SEPTIN2: variants seen among roughly 807,000 people sequenced by gnomAD.
SEPTIN2 encodes septin 2, also known as septin-2.
SEPTIN2 carries 34 observed loss-of-function variants against 46.5 expected under a neutral mutation model. The ratio of observed to expected loss-of-function variants is 0.73; its 90% CI spans 0.56 to 0.97. The LOEUF is 0.97. Ranked by LOEUF, SEPTIN2 falls within the 50% of genes least tolerant of loss-of-function variation. The pLI, the probability that SEPTIN2 is intolerant of heterozygous loss-of-function variation, is 0.00. For missense variants in SEPTIN2, 347 were observed against 448.4 expected (o/e 0.77, Z 2.04); for synonymous variants, 175 against 153.4 (o/e 1.14, Z -1.04).
At chr2:241,323,662 T>C in intron 1 of SEPTIN2, among the ~76,000 whole-genome samples, 1 of 152,194 alleles carries the variant, frequency 6.6e-6, no homozygotes, top group East Asian at 1.9e-4. Flanking sequence ...ATCAAAAGGC[T>C]CCTGATTCAG....
Position 241,343,717 on chromosome 2 carries a change from T to G in SEPTIN2, c.697-35T>G, listed in dbSNP as rs367972173. ...TGCCAGTGAACTCTGGGGTTCCCTG[T>G]GTGGAGCCTGTCTACTCTGTGTGTC... On this transcript the variant is annotated intron_variant, in intron 8 of 12. Transcript: ENST00000391971. 81 of 1,612,818 alleles carry G rather than the reference T, an allele frequency of 5.0e-5. No homozygotes were observed. In the African/African-American group the frequency reaches 1.0e-3, roughly 20 times the overall value.
chr2:241,325,702 C>T (rs574054049), intron 2 of SEPTIN2, among the ~76,000 whole-genome samples: 2 of 152,158 alleles, frequency 1.3e-5, no homozygotes, highest in East Asian at 1.9e-4. Flanking sequence ...ATGTATTAAG[C>T]ATGTATCTTC....
intron 3 of SEPTIN2, among the ~76,000 whole-genome samples, chr2:241,327,050 C>CAAAAAAAA (rs59492636): frequency 1.5e-5 from 1 of 66,014 alleles, no homozygotes; most frequent in African/African-American, 7.2e-5. Flanking sequence ...AACCTTGTCT[C>CAAAAAAAA]AAAAAAAAAA....
intron 3 of SEPTIN2, 25 bp from the exon 4 acceptor site, chr2:241,335,101 A>G: frequency 6.5e-7 from 1 of 1,544,564 alleles, no homozygotes; most frequent in Non-Finnish European, 8.9e-7. Context: ...TAAGGTCATG[A>G]CAAGGTTTTT....
intron 1 of SEPTIN2, among the ~76,000 whole-genome samples, chr2:241,322,551 G>A (rs2077286415): frequency 6.6e-6 from 1 of 150,956 alleles, no homozygotes; most frequent in Non-Finnish European, 1.5e-5. Flanking sequence ...AGGTTGCAGT[G>A]AGCTGAGATC....
At chr2:241,318,613 TG>T (rs2076712752) in intron 1 of SEPTIN2, among the ~76,000 whole-genome samples, 1 of 152,240 alleles carries the variant, frequency 6.6e-6, no homozygotes. Flanking sequence ...TATTTGTTGC[TG>T]GTACTTGACT....
chr2:241,321,347 T>C, intron 1 of SEPTIN2, among the ~76,000 whole-genome samples: 1 of 152,238 alleles, frequency 6.6e-6, no homozygotes, highest in East Asian at 1.9e-4. Flanking sequence ...TACAGGCTTA[T>C]GAATATTACA....
At chr2:241,346,674 C>G (rs898893667) in intron 10 of SEPTIN2, 3 of 152,770 alleles carry the variant, frequency 2.0e-5, no homozygotes, top group African/African-American at 7.2e-5. Context: ...TTGGGAGGAG[C>G]AGTTGAGCCT....
At chr2:241,326,199 G>C in intron 3 of SEPTIN2, 86 bp downstream of exon 3, 1 of 1,296,526 alleles carries the variant, frequency 7.7e-7, no homozygotes, top group Non-Finnish European at 1.0e-6. Context: ...GACCTATAAA[G>C]AAAGAGGAAA....
In SEPTIN2 at chr2:241,350,412, CTCT is replaced by C. The variant is rs1202318941; in HGVS notation, c.*29+214_*29+216del. ...TAGTAAAGATTTTTCATATTTTTGT[CTCT>C]TCTTTTTTTTTTAAATAATTTCAAC... On this transcript the variant is annotated intron_variant, in intron 12 of 12. Transcript: ENST00000391971. 2.1e-3 allele frequency among the ~76,000 whole-genome samples: 315 copies of C among 152,094 alleles called. 5 individuals carry two copies. The highest frequency in any genetic ancestry group is 0.02 in the Admixed American group (308 of 15,272).
intron 1 of SEPTIN2, chr2:241,316,936 G>C: frequency 6.0e-6 from 1 of 166,804 alleles, no homozygotes; most frequent in Non-Finnish European, 1.3e-5. Flanking sequence ...GTGTTTACCT[G>C]ATGTTCCAGA....
intron 1 of SEPTIN2, chr2:241,320,400 C>A: frequency 2.3e-6 from 1 of 440,338 alleles, no homozygotes; most frequent in Non-Finnish European, 4.7e-6. Flanking sequence ...AGATTTGGGG[C>A]CATTTTGCTA....
chr2:241,337,346 C>T lies in SEPTIN2; in HGVS notation c.342-36C>T, dbSNP rs771736153. ...GAAGTCAGGGACCCCCTGTTTTATA[C>T]CCTATGATTATTGTTAATGTTTCTG... On this transcript the variant is annotated intron_variant, in intron 5 of 12. Coordinates refer to ENST00000391971, the MANE Select transcript of SEPTIN2 (RefSeq NM_004404.5). 1.0e-4 allele frequency: 166 copies of T among 1,597,060 alleles called. 3 individuals are homozygous for T. In the South Asian group the frequency reaches 1.6e-3, roughly 16 times the overall value.
Position 241,345,409 on chromosome 2 carries a change from G to T in SEPTIN2, c.843-757G>T, listed in dbSNP as rs1984598. ...TATCCTGATCCCCATTATTGAGGGG[G>T]GTGTAGAGGCTGAAGACAGGGTTTG... On this transcript the variant is annotated intron_variant, in intron 9 of 12. Coordinates refer to ENST00000391971, the MANE Select transcript of SEPTIN2 (RefSeq NM_004404.5). Among the ~76,000 whole-genome samples the T allele has an allele frequency of 2.0e-5, 3 of 151,842 alleles. No homozygotes were observed. The South Asian group carries it at 6.2e-4, about 32-fold the overall frequency.
At chr2:241,337,988 A>G (rs908687689) in intron 7 of SEPTIN2, among the ~76,000 whole-genome samples, 198 bp downstream of exon 7, 10 of 152,160 alleles carry the variant, frequency 6.6e-5, no homozygotes, top group Non-Finnish European at 1.5e-4. Context: ...GAAGGTATCA[A>G]ATTTCTATTC....
intron 4 of SEPTIN2, 52 bp downstream of exon 4, chr2:241,335,264 A>G: frequency 6.3e-7 from 1 of 1,593,734 alleles, no homozygotes; most frequent in Non-Finnish European, 8.6e-7. Context: ...AAAGATGCTG[A>G]AGACTGCCTA....
intron 4 of SEPTIN2, 51 bp from the exon 5 acceptor site, chr2:241,335,924 T>G: frequency 6.2e-7 from 1 of 1,613,632 alleles, no homozygotes; most frequent in Non-Finnish European, 8.5e-7. Flanking sequence ...AACGTGAGCT[T>G]TCCTCTTCAC....
rs183676517 is a variant in SEPTIN2 at position 241,353,592 on chromosome 2, A to G, written c.*1655A>G. The G allele has an allele frequency of 8.5e-5, 13 of 152,412 alleles. No individual in the cohort carries two copies. The highest frequency in any genetic ancestry group is 3.1e-4 in the African/African-American group (13 of 41,586). 9.4% of individuals were successfully genotyped at this position (152,412 alleles called of 1,614,324 possible). ...TGCCCTTCACTGTTGCTTAATTGTG[A>G]ACAGCCAAAAGCTATATGTTATGGC... On this transcript the variant is annotated 3_prime_UTR_variant, in exon 13 of 13. Coordinates refer to ENST00000391971, the MANE Select transcript of SEPTIN2 (RefSeq NM_004404.5).
intron 7 of SEPTIN2, among the ~76,000 whole-genome samples, chr2:241,338,944 ATT>A (rs2080814373): frequency 3.1e-5 from 3 of 97,992 alleles, no homozygotes; most frequent in Non-Finnish European, 5.6e-5. Flanking sequence ...TATTATATAT[ATT>A]ATATATATAA....
Sources: gnomAD v4.1 joint callset for allele counts (sites outside exome capture counted in the v4.1 genomes callset) on GRCh38, gnomAD v4.1.1 for gene constraint, MANE v1.5 for transcripts, NCBI Gene and HGNC (gene_info 2026-07-23, HGNC 2026-07-21) for gene names.